Variants in ACSBG1 observed in about 807,000 individuals in gnomAD.
ACSBG1 encodes the protein acyl-CoA synthetase bubblegum family member 1.
Under a neutral mutation model 80.2 loss-of-function variants are expected in ACSBG1, and 39 were observed. That is an observed-to-expected ratio of 0.49 (90% CI 0.38 to 0.64). The LOEUF is 0.64. Among genes scored for constraint, ACSBG1 ranks in the 30% least tolerant of loss-of-function variants. The pLI is 0.00. For synonymous variants in ACSBG1, 392 were observed against 379.5 expected (o/e 1.03, Z -0.38); for missense variants, 828 against 966.4 (o/e 0.86, Z 1.90).
At chr15:78,208,966 A>G (rs2075243406) in intron 1 of ACSBG1, among the ~76,000 whole-genome samples, 1 of 152,242 alleles carries the variant, frequency 6.6e-6, no homozygotes, top group Non-Finnish European at 1.5e-5. Context: ...AACTCCAGAG[A>G]CACATTTCAC....
intron 10 of ACSBG1, 24 bp downstream of exon 10, chr15:78,179,526 G>A: frequency 6.3e-7 from 1 of 1,597,698 alleles, no homozygotes. Flanking sequence ...GGGTGTGCAT[G>A]TGTGTGGCAG....
At chr15:78,231,505 C>T (rs949703960) in intron 1 of ACSBG1, among the ~76,000 whole-genome samples, 6 of 152,060 alleles carry the variant, frequency 3.9e-5, no homozygotes, top group African/African-American at 1.4e-4. Context: ...AGGCTGGTCT[C>T]GAACTCCTGG....
intron 4 of ACSBG1, 56 bp from the exon 5 acceptor site, chr15:78,193,682 T>TCCCCCC: frequency 1.9e-6 from 3 of 1,560,278 alleles, no homozygotes; most frequent in Non-Finnish European, 1.7e-6. Flanking sequence ...GCCACCCCCT[T>TCCCCCC]CCCCCACCCC....
rs1221516130 is a variant in ACSBG1 at position 78,178,827 on chromosome 15, C to T, written c.1489G>A (p.Gly497Ser). 1 of 1,610,238 alleles carries T rather than the reference C, an allele frequency of 6.2e-7. No individual in the cohort carries two copies. The highest frequency in any genetic ancestry group is 8.5e-7 in the Non-Finnish European group (1 of 1,179,420). The change falls in exon 11 of 14, where the codon GGC becomes AGC. Residue 497 changes from glycine to serine, a missense_variant. Coordinates refer to ENST00000258873, the MANE Select transcript of ACSBG1 (RefSeq NM_015162.5). This position sits in a 1 kb window ranked among gnomAD's most constrained non-coding sequence, Gnocchi z 4.3. ...ACCCGACAGCCGGGCACCAACTTGC[C>T]TGAGCTGGCGAGGGAGGGGCCGGGA... ...SPYNYRLYSSGKLVPGCRVKL... is the reference protein window; with the variant it reads ...SPYNYRLYSSSKLVPGCRVKL...
chr15:78,228,480 A>G (rs2075421807), intron 1 of ACSBG1, among the ~76,000 whole-genome samples: 1 of 152,204 alleles, frequency 6.6e-6, no homozygotes, highest in Non-Finnish European at 1.5e-5. Flanking sequence ...GCCTGGAGAC[A>G]GTGGGTTAGC....
Position 78,183,024 on chromosome 15 carries a change from C to G in ACSBG1, c.664-239G>C, listed in dbSNP as rs531040185. On this transcript the variant is annotated intron_variant, in intron 5 of 13. Coordinates refer to ENST00000258873, the MANE Select transcript of ACSBG1 (RefSeq NM_015162.5). ...ATGACTCCCCATTGAAGGAAAACCA[C>G]CAAACAAGCTGGGGCTTGGTTGAAC... The G allele has an allele frequency of 5.2e-6, 3 of 573,752 alleles. No individual in the cohort carries two copies. In the East Asian group the frequency reaches 8.6e-5, roughly 16 times the overall value. The allele number at this position is 573,752 out of a possible 1,614,324, so 35.5% of individuals were successfully genotyped here.
At chr15:78,225,626 A>G (rs2075394398) in intron 1 of ACSBG1, among the ~76,000 whole-genome samples, 1 of 152,096 alleles carries the variant, frequency 6.6e-6, no homozygotes, top group African/African-American at 2.4e-5. Context: ...CCAATTTGAA[A>G]TATAGAGTCA....
intron 1 of ACSBG1, among the ~76,000 whole-genome samples, chr15:78,225,677 AACTG>A (rs2075394862): frequency 1.3e-5 from 2 of 152,136 alleles, no homozygotes; most frequent in South Asian, 4.1e-4. Flanking sequence ...TTTTTTAATC[AACTG>A]ACAAGATGAT....
chr15:78,228,803 C>T (rs2075424219), intron 1 of ACSBG1, among the ~76,000 whole-genome samples: 1 of 152,210 alleles, frequency 6.6e-6, no homozygotes, highest in African/African-American at 2.4e-5. Flanking sequence ...CTCCATCCCA[C>T]CTCGGGGCCT....
intron 5 of ACSBG1, among the ~76,000 whole-genome samples, chr15:78,184,080 A>G (rs1044701394): frequency 6.6e-6 from 1 of 152,218 alleles, no homozygotes; most frequent in African/African-American, 2.4e-5. Flanking sequence ...AAGATCAAGG[A>G]ATTTTATAAT....
chr15:78,215,144 T>C (rs767853265), intron 1 of ACSBG1, among the ~76,000 whole-genome samples: 5 of 152,070 alleles, frequency 3.3e-5, no homozygotes, highest in Non-Finnish European at 4.4e-5. Flanking sequence ...TCCTAGTGAA[T>C]CCCAGAAAGG....
chr15:78,173,656 G>C lies in ACSBG1; in HGVS notation c.2026C>G (p.Pro676Ala). ...ATGGCCCACTTCTGGATGTGGTAGG[G>C]CCGGGCCGCCGCGTTCATGTTGACC... Reference protein sequence around the residue: ...RRVNMNAAARPYHIQKWAILE... With the variant: ...RRVNMNAAARAYHIQKWAILE... Residue 676 changes from proline to alanine, a missense_variant, in exon 13 of 14, where the codon CCC becomes GCC. Physicochemically the swap from Pro to Ala is conservative, Grantham distance 27 (BLOSUM62 -1). This residue lies in a region of ACSBG1 where 201 missense variants were observed against 227.0 expected (regional missense o/e 0.89). Coordinates refer to ENST00000258873, the MANE Select transcript of ACSBG1 (RefSeq NM_015162.5). The C allele has an allele frequency of 6.2e-7, 1 of 1,614,194 alleles. No individual in the cohort carries two copies. Among genetic ancestry groups the C allele is most frequent in the Non-Finnish European group, 8.5e-7 (1 of 1,180,048 alleles).
chr15:78,204,588 C>T (rs974432559), intron 2 of ACSBG1, among the ~76,000 whole-genome samples: 2 of 152,224 alleles, frequency 1.3e-5, no homozygotes, highest in Non-Finnish European at 2.9e-5. Context: ...AGAGGTTCCA[C>T]TCATTTTGGC....
intron 5 of ACSBG1, among the ~76,000 whole-genome samples, chr15:78,187,684 A>G (rs2075018523): frequency 6.6e-6 from 1 of 152,202 alleles, no homozygotes; most frequent in African/African-American, 2.4e-5. Flanking sequence ...TCAAAATAAT[A>G]AGAGCTATCT....
rs1473343926 is a variant in ACSBG1 at position 78,194,703 on chromosome 15, C to T, written c.256G>A (p.Ala86Thr). ...APEEALWTTRADGRVRLRIDP... is the reference protein window; with the variant it reads ...APEEALWTTRTDGRVRLRIDP... ...ATGCGCAGGCGCACCCGCCCATCGG[C>T]CCGAGTCGTCCACAGCGCCTCCTCT... Residue 86 changes from alanine to threonine, a missense_variant, in exon 3 of 14, where the codon GCC (alanine) becomes ACC (threonine). Physicochemically the swap from Ala to Thr is moderately conservative, Grantham distance 58. Coordinates refer to ENST00000258873, the MANE Select transcript of ACSBG1 (RefSeq NM_015162.5). The T allele has an allele frequency of 1.2e-6, 2 of 1,612,830 alleles. No individual in the cohort carries two copies. Among genetic ancestry groups the T allele is most frequent in the Admixed American group, 1.7e-5 (1 of 59,994 alleles).
At chr15:78,181,661 T>C (rs1388666749) in intron 8 of ACSBG1, among the ~76,000 whole-genome samples, 2 of 151,962 alleles carry the variant, frequency 1.3e-5, no homozygotes, top group Non-Finnish European at 2.9e-5. Context: ...TCCCATCTAA[T>C]TTTTTGTATT....
Position 78,234,528 on chromosome 15 carries a change from C to T in ACSBG1, c.-27G>A. The T allele has an allele frequency of 1.2e-6, 2 of 1,602,364 alleles. No homozygotes were observed. Among genetic ancestry groups the T allele is most frequent in the Non-Finnish European group, 1.7e-6 (2 of 1,177,416 alleles). Reference sequence around the variant, plus strand: ...TGCCTCGGGCTTCCACTGAAGACAGCTCAGTCACCCACTGAGAGAGGCTAG... The same window carrying T: ...TGCCTCGGGCTTCCACTGAAGACAGTTCAGTCACCCACTGAGAGAGGCTAG... On this transcript the variant is annotated 5_prime_UTR_variant, in exon 1 of 14. Coordinates refer to ENST00000258873, the MANE Select transcript of ACSBG1 (RefSeq NM_015162.5).
Position 78,171,639 on chromosome 15 carries a change from G to A in ACSBG1, c.2090-110C>T. On this transcript the variant is annotated intron_variant, in intron 13 of 13. Coordinates refer to ENST00000258873, the MANE Select transcript of ACSBG1 (RefSeq NM_015162.5). ...TATATATAACTCAGGAATTAAGCCA[G>A]ATAATCAGGACCGTCAGTAGCCAGC... 3 of 876,632 alleles carry A rather than the reference G, an allele frequency of 3.4e-6. No individual in the cohort carries two copies. The South Asian group carries it at 4.5e-5, about 13-fold the overall frequency. 54.3% of individuals were successfully genotyped at this position (876,632 alleles called of 1,614,324 possible).
intron 1 of ACSBG1, among the ~76,000 whole-genome samples, chr15:78,211,500 G>A (rs892698043): frequency 2.0e-5 from 3 of 152,240 alleles, no homozygotes; most frequent in Non-Finnish European, 4.4e-5. Flanking sequence ...TTGAGGACGA[G>A]AACAAGGATT....
Sources: gnomAD v4.1 joint callset for allele counts (sites outside exome capture counted in the v4.1 genomes callset) on GRCh38, gnomAD v4.1.1 for gene constraint, gnomAD v4.1.1 regional missense constraint, Gnocchi (gnomAD v3.1) non-coding constraint, MANE v1.5 for transcripts, NCBI Gene and HGNC (gene_info 2026-07-23, HGNC 2026-07-21) for gene names.